Variants in CC2D2B observed in about 807,000 individuals in gnomAD.
The protein encoded by CC2D2B is coiled-coil and C2 domain containing 2B.
A neutral mutation model predicts 161.2 loss-of-function variants in CC2D2B; 128 were observed. That is an observed-to-expected ratio of 0.79 (90% CI 0.69 to 0.92). The LOEUF (loss-of-function observed/expected upper bound fraction) is 0.92, where lower values mean the gene tolerates loss of function less well. CC2D2B is among the 40% of genes least tolerant of loss of function. The pLI is 0.00. For synonymous variants in CC2D2B, 391 were observed against 449.8 expected, an observed-to-expected ratio of 0.87 and a Z score of 1.65; for missense variants, 1,173 against 1,375.1, an observed-to-expected ratio of 0.85 and a Z score of 2.32.
intron 19 of CC2D2B, among the ~76,000 whole-genome samples, chr10:95,984,441 A>C (rs1295352654): frequency 6.6e-6 from 1 of 152,204 alleles, no homozygotes; most frequent in Non-Finnish European, 1.5e-5. Flanking sequence ...ATGCTGAAGT[A>C]TTTATCTAGA....
chr10:95,981,794 T>G (rs1009675981), intron 17 of CC2D2B, among the ~76,000 whole-genome samples, 181 bp from the exon 18 acceptor site: 1 of 152,158 alleles, frequency 6.6e-6, no homozygotes, highest in African/African-American at 2.4e-5. Flanking sequence ...CAAGTTAGAG[T>G]GAAAACTAGG....
At chr10:95,938,508 G>T in intron 7 of CC2D2B, 61 bp from the exon 8 acceptor site, 1 of 633,964 alleles carries the variant, frequency 1.6e-6, no homozygotes, top group Non-Finnish European at 2.8e-6. Context: ...CTACTTATTT[G>T]GTCAATATCC....
chr10:95,911,700 T>C (rs1336069814), intron 2 of CC2D2B, among the ~76,000 whole-genome samples: 1 of 152,210 alleles, frequency 6.6e-6, no homozygotes, highest in African/African-American at 2.4e-5. Flanking sequence ...TATTTACATG[T>C]CTCTTAGAGT....
intron 25 of CC2D2B, among the ~76,000 whole-genome samples, chr10:96,008,692 A>G (rs2078861170): frequency 1.3e-5 from 2 of 152,018 alleles, no homozygotes; most frequent in Admixed American, 6.6e-5. Flanking sequence ...TGCCATTTAT[A>G]TATCTTTTTT....
chr10:95,914,610 A>G (rs1484115502), intron 2 of CC2D2B, among the ~76,000 whole-genome samples: 1 of 152,176 alleles, frequency 6.6e-6, no homozygotes, highest in East Asian at 1.9e-4. Flanking sequence ...GAGTCTCACA[A>G]GATCTGATGG....
At chr10:96,000,251 C>T (rs1427234870) in intron 24 of CC2D2B, 19 of 1,197,286 alleles carry the variant, frequency 1.6e-5, no homozygotes, top group East Asian at 3.7e-5. Flanking sequence ...ATCATTTTGG[C>T]GAATTACTGG....
chr10:95,934,944 C>G (rs771645422), intron 6 of CC2D2B, among the ~76,000 whole-genome samples: 1 of 152,136 alleles, frequency 6.6e-6, no homozygotes, highest in Non-Finnish European at 1.5e-5. Context: ...GACCTCAGCT[C>G]ACTGCAACCT....
chr10:95,926,011 T>G (rs1302934561), intron 5 of CC2D2B, among the ~76,000 whole-genome samples: 2 of 147,494 alleles, frequency 1.4e-5, no homozygotes, highest in Non-Finnish European at 3.0e-5. Context: ...AAATGCAAGG[T>G]TTTTTTTTTT....
chr10:95,947,078 C>CAAAA (rs368168752), intron 9 of CC2D2B, among the ~76,000 whole-genome samples: 546 of 51,740 alleles, frequency 0.011, 5 homozygotes, highest in African/African-American at 0.033. Flanking sequence ...ATAGTGGACT[C>CAAAA]AAAAATATAT....
intron 6 of CC2D2B, among the ~76,000 whole-genome samples, chr10:95,927,824 C>T (rs1332765077): frequency 6.6e-6 from 1 of 151,938 alleles, no homozygotes; most frequent in Non-Finnish European, 1.5e-5. Flanking sequence ...AGCCCTCCTT[C>T]TAGTCAGTCC....
intron 9 of CC2D2B, among the ~76,000 whole-genome samples, chr10:95,943,417 T>C (rs1206237920): frequency 6.6e-6 from 1 of 152,198 alleles, no homozygotes; most frequent in Non-Finnish European, 1.5e-5. Flanking sequence ...TTATAAATCT[T>C]GTCCGTGGAT....
At chr10:95,925,312 A>C (rs755600562) in intron 5 of CC2D2B, among the ~76,000 whole-genome samples, 5 of 152,214 alleles carry the variant, frequency 3.3e-5, no homozygotes, top group Non-Finnish European at 5.9e-5. Context: ...GTTAGAGATT[A>C]GTTGGCAGTT....
chr10:95,935,231 C>T (rs1333984521), intron 6 of CC2D2B, among the ~76,000 whole-genome samples: 3 of 152,196 alleles, frequency 2.0e-5, no homozygotes, highest in Admixed American at 6.5e-5. Flanking sequence ...TCCAGTTGCT[C>T]AGTTGAACCT....
chr10:95,993,897 A>G (rs1255307312), intron 22 of CC2D2B, among the ~76,000 whole-genome samples: 1 of 99,820 alleles, frequency 1.0e-5, no homozygotes, highest in Admixed American at 1.0e-4. Context: ...ATAGAGAGAG[A>G]GAATGTGTGT....
chr10:96,011,320 T>C (rs1185054591), intron 26 of CC2D2B, among the ~76,000 whole-genome samples: 1 of 152,144 alleles, frequency 6.6e-6, no homozygotes, highest in Non-Finnish European at 1.5e-5. Flanking sequence ...CAGGATACAG[T>C]GGTAGGTAAG....
intron 34 of CC2D2B, among the ~76,000 whole-genome samples, chr10:96,027,864 GC>G (rs1209158799): frequency 6.6e-6 from 1 of 152,128 alleles, no homozygotes; most frequent in Non-Finnish European, 1.5e-5. Context: ...TTCAGCAAAG[GC>G]CCCAAGAACA....
At chr10:96,030,250 TAA>T (rs1280316482) in intron 34 of CC2D2B, among the ~76,000 whole-genome samples, 1 of 152,068 alleles carries the variant, frequency 6.6e-6, no homozygotes, top group Non-Finnish European at 1.5e-5. Flanking sequence ...TTTTGGATGG[TAA>T]AAAGACATCT....
chr10:95,915,246 TG>T (rs2098514038), intron 2 of CC2D2B, among the ~76,000 whole-genome samples: 1 of 152,240 alleles, frequency 6.6e-6, no homozygotes, highest in Non-Finnish European at 1.5e-5. Context: ...TACTGACTTT[TG>T]TATATCAATT....
intron 12 of CC2D2B, among the ~76,000 whole-genome samples, chr10:95,964,207 T>C (rs2076863247): frequency 6.6e-6 from 1 of 152,162 alleles, no homozygotes; most frequent in Non-Finnish European, 1.5e-5. Context: ...CCCAGAGTCA[T>C]TTGGCTCAGA....
Sources: allele counts gnomAD v4.1 joint callset (sites outside exome capture counted in the v4.1 genomes callset), GRCh38; gene constraint gnomAD v4.1.1; transcripts MANE v1.5; gene names NCBI Gene and HGNC (gene_info 2026-07-23, HGNC 2026-07-21).